SLC2A7: variants seen among roughly 807,000 people sequenced by gnomAD.
The protein encoded by SLC2A7 is solute carrier family 2 member 7, also known as solute carrier family 2, facilitated glucose transporter member 7.
A neutral mutation model predicts 50.5 loss-of-function variants in SLC2A7; 50 were observed. That is an observed-to-expected ratio of 0.99 (90% confidence interval 0.79 to 1.25). The LOEUF (loss-of-function observed/expected upper bound fraction) is 1.25, where lower values mean the gene tolerates loss of function less well. Ranked by LOEUF, SLC2A7 falls within the 50% of genes most tolerant of loss-of-function variation. The pLI is 0.00. For missense variants in SLC2A7, 683 were observed against 679.1 expected, an observed-to-expected ratio of 1.01 and a Z score of -0.06; for synonymous variants, 308 against 300.4, an observed-to-expected ratio of 1.03 and a Z score of -0.26.
At chr1:9,019,183 T>C in intron 4 of SLC2A7, 26 bp downstream of exon 4, 1 of 1,610,638 alleles carries the variant, frequency 6.2e-7, no homozygotes, top group Non-Finnish European at 8.5e-7. Flanking sequence ...CCCCCAAGGC[T>C]GAGCCGGAGC....
At chr1:8,999,083 T>C (rs1448718619), downstream of SLC2A7, among the ~76,000 whole-genome samples, 1 of 152,244 alleles carries the variant, frequency 6.6e-6, no homozygotes, top group Non-Finnish European at 1.5e-5. Context: ...TTTTCTTCCC[T>C]TCTGGGAAGG....
chr1:9,010,048 G>T, intron 9 of SLC2A7, 95 bp downstream of exon 9: 1 of 1,230,466 alleles, frequency 8.1e-7, no homozygotes, highest in Non-Finnish European at 1.2e-6. Flanking sequence ...GTGGGACTCA[G>T]AACCAACCAC....
Position 9,015,369 on chromosome 1 carries a change from A to G in SLC2A7, c.590-127T>C, listed in dbSNP as rs1215837894. The G allele has an allele frequency of 2.4e-6, 3 of 1,227,276 alleles. No homozygotes were observed. The Admixed American group carries it at 9.6e-5, about 39-fold the overall frequency. The allele number at this position is 1,227,276 out of a possible 1,614,324, so 76.0% of individuals were successfully genotyped here. A position where few individuals can be genotyped will look rare whatever the true frequency, so the allele number is the denominator to read the frequency against. Reference sequence around the variant, plus strand: ...GTGGGGACTTCATTCTCACCAGGGTACTCCTACAAATGGTTTCCACATTCA... The same window carrying G: ...GTGGGGACTTCATTCTCACCAGGGTGCTCCTACAAATGGTTTCCACATTCA... On this transcript the variant is annotated intron_variant, in intron 5 of 11. Transcript: ENST00000400906.
chr1:8,994,073 G>A, the SLC2A7 span, among the ~76,000 whole-genome samples: 1 of 152,196 alleles, frequency 6.6e-6, no homozygotes, highest in Non-Finnish European at 1.5e-5. Context: ...GCCTGAAAAT[G>A]GAATTGCTCT....
rs1557647245 is a variant in SLC2A7 at position 9,008,602 on chromosome 1, G to GTT, written c.1117-1218_1117-1217insAA. On this transcript the variant is annotated intron_variant, in intron 9 of 11. Transcript: ENST00000400906. The surrounding 1 kb of genome is among the most constrained non-coding windows in gnomAD (Gnocchi z 5.9). ...AAAGGTTCTGCTAAGAACTTATATTGGTTTTTTTTTTTTTTAGACAGAATC... is the reference window on the plus strand; with the variant it reads ...AAAGGTTCTGCTAAGAACTTATATTGTTGTTTTTTTTTTTTTTAGACAGAATC... Among the ~76,000 whole-genome samples, 67 of 16,044 alleles carry GTT rather than the reference G, an allele frequency of 4.2e-3. No individual in the cohort carries two copies. Among genetic ancestry groups the GTT allele is most frequent in the African/African-American group, 0.017 (57 of 3,388 alleles). The allele number at this position is 16,044 out of a possible 152,430, so 10.5% of individuals were successfully genotyped here.
At chr1:9,010,087 G>A in intron 9 of SLC2A7, 56 bp downstream of exon 9, 2 of 1,499,886 alleles carry the variant, frequency 1.3e-6, no homozygotes, top group Non-Finnish European at 1.8e-6. Context: ...TTCAGTCAGG[G>A]GACCTCCCAC....
chr1:9,013,652 G>C lies in SLC2A7; in HGVS notation c.904-17C>G, dbSNP rs1331920989. On this transcript the variant is annotated splice_polypyrimidine_tract_variant and intron_variant, in intron 7 of 11. Transcript: ENST00000400906. ...GTAGTTGATCTAAACAAAAACACAG[G>C]GCTGTCAGGACAGGCCGGAAGACCC... is the stretch of plus-strand genomic sequence containing the variant. 6.2e-7 allele frequency: 1 copy of C among 1,608,780 alleles called. No individual in the cohort carries two copies. The highest frequency in any genetic ancestry group is 8.5e-7 in the Non-Finnish European group (1 of 1,175,738).
intron 3 of SLC2A7, among the ~76,000 whole-genome samples, chr1:9,022,454 G>A (rs1053316775): frequency 6.6e-5 from 10 of 152,216 alleles, no homozygotes; most frequent in Admixed American, 5.2e-4. Flanking sequence ...AAATAATCTC[G>A]TATCTATGAG....
downstream of SLC2A7, among the ~76,000 whole-genome samples, chr1:8,998,428 A>G (rs1470082994): frequency 6.6e-6 from 1 of 151,988 alleles, no homozygotes; most frequent in Non-Finnish European, 1.5e-5. Flanking sequence ...AAATAATAAA[A>G]TCAGTTGTCT....
intron 5 of SLC2A7, among the ~76,000 whole-genome samples, chr1:9,015,884 T>G (rs1454453663): frequency 7.4e-6 from 1 of 135,508 alleles, no homozygotes; most frequent in Non-Finnish European, 1.6e-5. Flanking sequence ...TTACCGCACC[T>G]GGCTCATTTT....
the SLC2A7 span, among the ~76,000 whole-genome samples, chr1:8,995,381 G>A: frequency 2.0e-3 from 299 of 151,410 alleles, no homozygotes; most frequent in Middle Eastern, 0.014. Context: ...CCGGGAGGCG[G>A]AACTTGCAGT....
At chr1:9,013,193 A>T (rs897422129) in intron 8 of SLC2A7, among the ~76,000 whole-genome samples, 2 of 151,566 alleles carry the variant, frequency 1.3e-5, no homozygotes, top group East Asian at 1.9e-4. Context: ...CACCTGGCTA[A>T]TTTTTTTGTA....
At chr1:9,000,766 G>GTGTA (rs1186097632), downstream of SLC2A7, among the ~76,000 whole-genome samples, 1 of 151,724 alleles carries the variant, frequency 6.6e-6, no homozygotes, top group African/African-American at 2.4e-5. Context: ...GTGTGTGTGT[G>GTGTA]TGTGTGTGTG....
chr1:9,019,113 G>A, intron 4 of SLC2A7, 96 bp downstream of exon 4: 1 of 1,489,118 alleles, frequency 6.7e-7, no homozygotes, highest in South Asian at 1.4e-5. Flanking sequence ...AATGAAAAGA[G>A]GCAGAGCCAG....
Position 9,008,273 on chromosome 1 carries a change from G to T in SLC2A7, c.1117-888C>A, listed in dbSNP as rs1444190597. Among the ~76,000 whole-genome samples, 2 of 152,112 alleles carry T rather than the reference G, an allele frequency of 1.3e-5. No individual in the cohort carries two copies. The highest frequency in any genetic ancestry group is 4.8e-5 in the African/African-American group (2 of 41,428). Reference sequence around the variant, plus strand: ...AGCTGGATGGCGAGGTGGGAGGGGAGGCACTGGGAGCTTCCAAGCAGAGAA... The same window carrying T: ...AGCTGGATGGCGAGGTGGGAGGGGATGCACTGGGAGCTTCCAAGCAGAGAA... On this transcript the variant is annotated intron_variant, in intron 9 of 11. Transcript: ENST00000400906. This position sits in a 1 kb window ranked among gnomAD's most constrained non-coding sequence, Gnocchi z 5.9.
chr1:9,022,774 T>C, intron 3 of SLC2A7, 144 bp downstream of exon 3: 1 of 1,100,962 alleles, frequency 9.1e-7, no homozygotes, highest in Non-Finnish European at 1.3e-6. Context: ...TTTAAGGTCA[T>C]GATGACTGTG....
intron 9 of SLC2A7, among the ~76,000 whole-genome samples, chr1:9,009,462 T>C (rs571470897): frequency 1.3e-5 from 2 of 152,326 alleles, no homozygotes; most frequent in South Asian, 4.1e-4. Flanking sequence ...AGTTTTGTTT[T>C]GTTTTTTCTT....
intron 8 of SLC2A7, among the ~76,000 whole-genome samples, chr1:9,011,140 C>A (rs1042397592): frequency 4.6e-5 from 7 of 152,266 alleles, no homozygotes; most frequent in Non-Finnish European, 7.3e-5. Flanking sequence ...CTCTGCCTCA[C>A]CCATTCCTTT....
chr1:8,997,034 T>A, the SLC2A7 span, among the ~76,000 whole-genome samples: 2 of 152,160 alleles, frequency 1.3e-5, no homozygotes, highest in Non-Finnish European at 2.9e-5. Context: ...CACCTCGGAC[T>A]CCTAAAGTGC....
Sources: allele counts gnomAD v4.1 joint callset (sites outside exome capture counted in the v4.1 genomes callset), GRCh38; gene constraint gnomAD v4.1.1; non-coding constraint Gnocchi (gnomAD v3.1); transcripts MANE v1.5; gene names NCBI Gene and HGNC (gene_info 2026-07-23, HGNC 2026-07-21).